Variants in SLC35D1 observed in about 807,000 individuals in gnomAD.
The protein encoded by SLC35D1 is solute carrier family 35 member D1, also known as nucleotide sugar transporter SLC35D1.
A neutral mutation model predicts 46.7 loss-of-function variants in SLC35D1; 31 were observed. That is an observed-to-expected ratio of 0.66 (90% CI 0.50 to 0.90). The LOEUF (loss-of-function observed/expected upper bound fraction) is 0.90, where lower values mean the gene tolerates loss of function less well. Ranked by LOEUF, SLC35D1 falls within the 40% of genes least tolerant of loss-of-function variation. The probability of loss-of-function intolerance (pLI) is 0.00; values close to 1 mark genes in which losing one functional copy is unlikely to be tolerated. For synonymous variants in SLC35D1, 195 were observed against 164.6 expected (o/e 1.18, Z -1.41); for missense variants, 397 against 426.2 (o/e 0.93, Z 0.60).
chr1:67,020,341 C>T (rs1254110423), intron 10 of SLC35D1, 28 bp downstream of exon 10: 2 of 1,434,776 alleles, frequency 1.4e-6, no homozygotes, highest in Admixed American at 1.7e-5. Context: ...ATGCAGGTAC[C>T]AAAAGCTAAC....
the SLC35D1 span, among the ~76,000 whole-genome samples, chr1:66,991,150 G>T: frequency 8.5e-5 from 13 of 152,172 alleles, no homozygotes; most frequent in African/African-American, 3.1e-4. Flanking sequence ...ATCACTGGTA[G>T]AGGGTACCAT....
At chr1:66,982,800 C>A in the SLC35D1 span, among the ~76,000 whole-genome samples, 1 of 152,186 alleles carries the variant, frequency 6.6e-6, no homozygotes, top group Non-Finnish European at 1.5e-5. Context: ...TGTTCCCTCA[C>A]TACTTCTAGG....
At chr1:66,985,896 T>A in the SLC35D1 span, 1 of 966,380 alleles carries the variant, frequency 1.0e-6, no homozygotes, top group Non-Finnish European at 1.2e-6. Flanking sequence ...GATGCTTAGA[T>A]TGCAGTTTGT....
At chr1:66,975,916 C>T in the SLC35D1 span, among the ~76,000 whole-genome samples, 2 of 152,278 alleles carry the variant, frequency 1.3e-5, no homozygotes, top group South Asian at 4.1e-4. Context: ...GGTACCCGTA[C>T]TCTGTGAGTA....
intron 7 of SLC35D1, 124 bp from the exon 8 acceptor site, chr1:67,042,452 C>G (rs1198997061): frequency 1.2e-6 from 1 of 835,406 alleles, no homozygotes; most frequent in African/African-American, 1.7e-5. Context: ...ACAACATACA[C>G]AGCAAATGAA....
chr1:66,981,010 T>C, the SLC35D1 span, among the ~76,000 whole-genome samples: 3 of 152,164 alleles, frequency 2.0e-5, no homozygotes, highest in East Asian at 5.8e-4. Flanking sequence ...TGGCTGACTT[T>C]TATTCTAGTG....
In SLC35D1 at chr1:67,016,081, T is replaced by TA. The variant is rs1340283679; in HGVS notation, c.876+4287dup. Among the ~76,000 whole-genome samples, 6 of 152,076 alleles carry TA rather than the reference T, an allele frequency of 3.9e-5. No homozygotes were observed. In the South Asian group the frequency reaches 1.0e-3, roughly 26 times the overall value. The stretch of plus-strand genomic sequence containing the variant: ...TATGTTAAAATCAAATGGAAATCAT[T>TA]AAAAAAATGGTGCTTAACTTTCTCT... On this transcript the variant is annotated intron_variant, in intron 10 of 11. Coordinates refer to ENST00000235345, the MANE Select transcript of SLC35D1 (RefSeq NM_015139.3).
intron 8 of SLC35D1, among the ~76,000 whole-genome samples, chr1:67,026,071 C>G (rs1302235498): frequency 6.6e-6 from 1 of 152,162 alleles, no homozygotes; most frequent in Admixed American, 6.5e-5. Flanking sequence ...TGAGTACAGA[C>G]ATCCTCGCCT....
intron 7 of SLC35D1, among the ~76,000 whole-genome samples, chr1:67,042,882 G>A (rs1262871058): frequency 1.3e-5 from 2 of 151,958 alleles, no homozygotes; most frequent in Admixed American, 6.6e-5. Context: ...TGGGCAACAT[G>A]GTGAAACACT....
At chr1:66,985,177 A>G in the SLC35D1 span, 1 of 987,708 alleles carries the variant, frequency 1.0e-6, no homozygotes, top group Non-Finnish European at 1.2e-6. Context: ...GTTCATTCAG[A>G]TTTACTAATT....
the SLC35D1 span, among the ~76,000 whole-genome samples, chr1:66,984,160 A>G: frequency 2.0e-5 from 3 of 152,238 alleles, no homozygotes; most frequent in African/African-American, 4.8e-5. Flanking sequence ...TGGTTTTAGA[A>G]TGTTGAAAAC....
At chr1:67,053,759 G>GCCGCCGCCCGCTCCTCCT in intron 1 of SLC35D1, 52 bp downstream of exon 1, 23 of 1,417,950 alleles carry the variant, frequency 1.6e-5, no homozygotes, top group Non-Finnish European at 2.1e-5. Flanking sequence ...CCGCGCCGCC[G>GCCGCCGCCCGCTCCTCCT]CCGCCGCCCG....
the SLC35D1 span, chr1:66,973,102 T>C: frequency 1.1e-5 from 7 of 609,778 alleles, no homozygotes; most frequent in Admixed American, 1.2e-4. Context: ...ATAATTAATA[T>C]GACAATATTT....
At chr1:66,998,007 C>G (rs890153530), downstream of SLC35D1, among the ~76,000 whole-genome samples, 1 of 151,674 alleles carries the variant, frequency 6.6e-6, no homozygotes, top group Non-Finnish European at 1.5e-5. Flanking sequence ...ATTAGGACGG[C>G]TACAATCTGA....
chr1:66,998,317 C>T (rs187798036), downstream of SLC35D1, among the ~76,000 whole-genome samples: 392 of 152,070 alleles, frequency 2.6e-3, 2 homozygotes, highest in African/African-American at 8.8e-3. Flanking sequence ...GATGAAAACC[C>T]GTCTCTACTA....
chr1:67,031,783 A>T (rs1668022522), intron 8 of SLC35D1, among the ~76,000 whole-genome samples: 1 of 152,210 alleles, frequency 6.6e-6, no homozygotes, highest in African/African-American at 2.4e-5. Context: ...ACTAAAATGC[A>T]GTCACTTTAA....
intron 8 of SLC35D1, among the ~76,000 whole-genome samples, chr1:67,033,342 C>T (rs1339596872): frequency 6.6e-6 from 1 of 152,138 alleles, no homozygotes; most frequent in Non-Finnish European, 1.5e-5. Flanking sequence ...TAGATTCCCA[C>T]CAAGAGTGTA....
At chr1:67,038,235 C>T (rs1298888576) in intron 8 of SLC35D1, among the ~76,000 whole-genome samples, 1 of 152,136 alleles carries the variant, frequency 6.6e-6, no homozygotes, top group Non-Finnish European at 1.5e-5. Flanking sequence ...GTCCACAGAG[C>T]AATCCAGAAA....
In SLC35D1 at chr1:67,044,075, C is replaced by A. The variant is rs146564921; in HGVS notation, c.637-1747G>T. Among the ~76,000 whole-genome samples the A allele has an allele frequency of 1.6e-3, 247 of 152,284 alleles. 2 individuals carry two copies. The highest frequency in any genetic ancestry group is 5.7e-3 in the African/African-American group (239 of 41,568). On this transcript the variant is annotated intron_variant, in intron 7 of 11. Transcript: ENST00000235345. ...ATTAGGCTGGGTGCAGTGGCTCATG[C>A]CTGTCATCTCAGCATTTGGGGAGGC...
Sources: allele counts gnomAD v4.1 joint callset (sites outside exome capture counted in the v4.1 genomes callset), GRCh38; gene constraint gnomAD v4.1.1; transcripts MANE v1.5; gene names NCBI Gene and HGNC (gene_info 2026-07-23, HGNC 2026-07-21).